The following SERGEF variants were observed in gnomAD, a reference collection of about 807,000 sequenced individuals.
SERGEF encodes the protein secretion-regulating guanine nucleotide exchange factor.
SERGEF carries 51 observed loss-of-function variants against 50.0 expected under a neutral mutation model. The observed-to-expected ratio is 1.02, with a 90% confidence interval of 0.81 to 1.29. The LOEUF (loss-of-function observed/expected upper bound fraction) is 1.29, where lower values mean the gene tolerates loss of function less well. SERGEF is among the 50% of genes most tolerant of loss of function. The pLI, the probability that SERGEF is intolerant of heterozygous loss-of-function variation, is 0.00. For missense variants in SERGEF, 521 were observed against 557.0 expected, an observed-to-expected ratio of 0.94 and a Z score of 0.65; for synonymous variants, 205 against 212.4, an observed-to-expected ratio of 0.97 and a Z score of 0.30.
At chr11:17,898,840 A>C (rs1018569904) in intron 9 of SERGEF, among the ~76,000 whole-genome samples, 1 of 152,088 alleles carries the variant, frequency 6.6e-6, no homozygotes, top group Non-Finnish European at 1.5e-5. Context: ...ACCAAATCTC[A>C]TGTCAAATTG....
chr11:17,893,443 G>T lies in SERGEF; in HGVS notation c.1012-15199C>A, dbSNP rs113288784. Among the ~76,000 whole-genome samples, 416 of 152,264 alleles carry T rather than the reference G, an allele frequency of 2.7e-3. 2 individuals carry two copies. The highest frequency in any genetic ancestry group is 9.8e-3 in the African/African-American group (406 of 41,560). On this transcript the variant is annotated intron_variant, in intron 9 of 10. Coordinates refer to ENST00000265965, the MANE Select transcript of SERGEF (RefSeq NM_012139.4). ...ACCCATCTCCTAGTATCTAGAAGTG[G>T]TTCAACCAATATTACTACTTCCATC... is the stretch of plus-strand genomic sequence containing the variant.
At chr11:18,011,462 G>A (rs1357700809) in intron 1 of SERGEF, among the ~76,000 whole-genome samples, 2 of 152,138 alleles carry the variant, frequency 1.3e-5, no homozygotes. Flanking sequence ...GAGAGGCCTC[G>A]GGAGAAACCA....
At chr11:18,006,444 G>A (rs1854075609) in intron 3 of SERGEF, 147 bp downstream of exon 3, 1 of 798,622 alleles carries the variant, frequency 1.3e-6, no homozygotes. Context: ...CCAAAGTGCT[G>A]GAATTACAAT....
At chr11:18,007,847 C>A in intron 2 of SERGEF, 94 bp downstream of exon 2, 2 of 1,279,856 alleles carry the variant, frequency 1.6e-6, no homozygotes, top group Non-Finnish European at 2.1e-6. Context: ...TTTTCCTCTG[C>A]AAAATACAAA....
chr11:17,989,131 A>G (rs750142566), intron 7 of SERGEF, among the ~76,000 whole-genome samples: 4 of 152,216 alleles, frequency 2.6e-5, no homozygotes, highest in Non-Finnish European at 4.4e-5. Context: ...AATGCTTTAA[A>G]TTTTCAAAAT....
intron 8 of SERGEF, among the ~76,000 whole-genome samples, chr11:17,975,771 C>G (rs866268814): frequency 6.6e-6 from 1 of 152,214 alleles, no homozygotes; most frequent in Non-Finnish European, 1.5e-5. Context: ...CCACTACTCA[C>G]AGAGTAACGC....
At position 17,820,422 on chromosome 11, in the gene SERGEF, A is replaced by G. The variant is rs184077570; in HGVS notation, c.1049-32009T>C. ...AAGCCAAAGGACAGACTTCTAAACAATTCTGGTCAGTGTGCCATGGGAGGA... is the reference window on the plus strand; with the variant it reads ...AAGCCAAAGGACAGACTTCTAAACAGTTCTGGTCAGTGTGCCATGGGAGGA... On this transcript the variant is annotated intron_variant, in intron 10 of 10. Transcript: ENST00000265965. 4.6e-5 allele frequency among the ~76,000 whole-genome samples: 7 copies of G among 152,298 alleles called. No individual in the cohort carries two copies. The East Asian group carries it at 1.4e-3, about 29-fold the overall frequency.
At chr11:17,973,275 GA>G (rs1187286108) in intron 8 of SERGEF, among the ~76,000 whole-genome samples, 4 of 152,168 alleles carry the variant, frequency 2.6e-5, no homozygotes, top group Admixed American at 1.3e-4. Context: ...ACAGGAGCAG[GA>G]TCAGGGACAG....
At chr11:17,845,253 A>C (rs1453556608) in intron 10 of SERGEF, among the ~76,000 whole-genome samples, 1 of 152,168 alleles carries the variant, frequency 6.6e-6, no homozygotes, top group Non-Finnish European at 1.5e-5. Context: ...TAGCATAACA[A>C]AGTTAAATTT....
chr11:18,008,313 C>T (rs1379948653), intron 1 of SERGEF, among the ~76,000 whole-genome samples: 1 of 152,146 alleles, frequency 6.6e-6, no homozygotes, highest in Non-Finnish European at 1.5e-5. Flanking sequence ...ACACTGTCTC[C>T]CCACCCCTGA....
intron 8 of SERGEF, among the ~76,000 whole-genome samples, chr11:17,967,848 G>A (rs1271533098): frequency 1.3e-5 from 2 of 152,152 alleles, no homozygotes; most frequent in Admixed American, 1.3e-4. Context: ...CACAATGCTG[G>A]TCAGCCTGCA....
intron 9 of SERGEF, among the ~76,000 whole-genome samples, chr11:17,913,378 T>C (rs1272097918): frequency 6.6e-6 from 1 of 152,210 alleles, no homozygotes; most frequent in Admixed American, 6.5e-5. Flanking sequence ...CTTGGGCCCC[T>C]GACCCCAGCC....
intron 9 of SERGEF, among the ~76,000 whole-genome samples, chr11:17,890,026 C>CAAAAAAA (rs59805347): frequency 6.8e-5 from 5 of 73,938 alleles, no homozygotes; most frequent in Admixed American, 1.7e-4. Context: ...ACACTTCAAC[C>CAAAAAAA]AAAAAAAAAA....
At chr11:18,012,441 AG>A in intron 1 of SERGEF, 1 of 1,011,760 alleles carries the variant, frequency 9.9e-7, no homozygotes, top group South Asian at 3.2e-5. Flanking sequence ...CGGTCACAGC[AG>A]AGTGTCAGCA....
intron 10 of SERGEF, among the ~76,000 whole-genome samples, chr11:17,858,660 G>GT (rs1245314433): frequency 6.6e-6 from 1 of 152,092 alleles, no homozygotes; most frequent in Non-Finnish European, 1.5e-5. Flanking sequence ...GAAAACCTCT[G>GT]TATCAGTTAG....
intron 10 of SERGEF, among the ~76,000 whole-genome samples, chr11:17,870,153 C>A (rs530618469): frequency 6.6e-6 from 1 of 152,324 alleles, no homozygotes; most frequent in African/African-American, 2.4e-5. Context: ...CTTGCTTCCC[C>A]TTCACCTTCC....
At chr11:17,882,476 C>G (rs925020378) in intron 9 of SERGEF, among the ~76,000 whole-genome samples, 6 of 151,772 alleles carry the variant, frequency 4.0e-5, no homozygotes, top group African/African-American at 1.2e-4. Flanking sequence ...CCTGGTAAAG[C>G]CTTCCCTGAC....
intron 10 of SERGEF, among the ~76,000 whole-genome samples, chr11:17,867,981 C>A (rs1321162046): frequency 1.3e-5 from 2 of 152,200 alleles, no homozygotes; most frequent in East Asian, 3.9e-4. Context: ...ACCGTCTTTT[C>A]CTTCTAGGCC....
intron 9 of SERGEF, among the ~76,000 whole-genome samples, chr11:17,908,120 TCA>T (rs1851885441): frequency 6.6e-6 from 1 of 152,218 alleles, no homozygotes; most frequent in Non-Finnish European, 1.5e-5. Flanking sequence ...CACCCTGCCA[TCA>T]CAGTGATCTT....
Sources: gnomAD v4.1 joint callset for allele counts (sites outside exome capture counted in the v4.1 genomes callset) on GRCh38, gnomAD v4.1.1 for gene constraint, MANE v1.5 for transcripts, NCBI Gene and HGNC (gene_info 2026-07-23, HGNC 2026-07-21) for gene names.